The following NCKAP5 variants were observed in gnomAD, a reference collection of about 807,000 sequenced individuals.
NCKAP5 encodes the protein NCK associated protein 5.
A neutral mutation model predicts 167.0 loss-of-function variants in NCKAP5; 92 were observed. The ratio of observed to expected loss-of-function variants is 0.55; its 90% confidence interval spans 0.47 to 0.66. The LOEUF is 0.66. Among genes scored for constraint, NCKAP5 ranks in the 30% least tolerant of loss-of-function variants. The pLI is 0.00. For missense variants in NCKAP5, 2,378 were observed against 2,315.0 expected (o/e 1.03, Z -0.56); for synonymous variants, 891 against 877.4 (o/e 1.02, Z -0.27).
chr2:133,018,147 G>A (rs904893897), intron 6 of NCKAP5, among the ~76,000 whole-genome samples: 1 of 152,058 alleles, frequency 6.6e-6, no homozygotes, highest in Non-Finnish European at 1.5e-5. Context: ...ATGTCCTGGG[G>A]TGCCTATTCT....
chr2:132,724,628 C>T (rs1224331864), intron 19 of NCKAP5, among the ~76,000 whole-genome samples: 1 of 152,136 alleles, frequency 6.6e-6, no homozygotes, highest in Non-Finnish European at 1.5e-5. Context: ...ACCAATGAAC[C>T]ACAAAGAGCC....
At chr2:132,765,111 G>A (rs17397463) in intron 16 of NCKAP5, among the ~76,000 whole-genome samples, 21,784 of 152,016 alleles carry the variant, frequency 0.14, 1,665 homozygotes, top group East Asian at 0.18. Flanking sequence ...GACCAATTAC[G>A]TATTTATTCA....
chr2:133,634,069 C>T, the NCKAP5 span, among the ~76,000 whole-genome samples: 1 of 152,210 alleles, frequency 6.6e-6, no homozygotes, highest in Non-Finnish European at 1.5e-5. Context: ...TGTGCAGCTC[C>T]TCTCCAGCTA....
In NCKAP5 at chr2:133,356,600, G is replaced by C. The variant is rs528155945; in HGVS notation, c.70-53490C>G. Among the ~76,000 whole-genome samples the C allele has an allele frequency of 2.6e-4, 39 of 152,274 alleles. No individual in the cohort carries two copies. In the South Asian group the frequency reaches 8.1e-3, roughly 32 times the overall value. ...GTGAATGGGAGCTGCAGGACCGTAG[G>C]AAAGGACATCTTTGGGTTATATCAC... On this transcript the variant is annotated intron_variant, in intron 3 of 19. Transcript: ENST00000409261.
At position 133,025,781 on chromosome 2, in the gene NCKAP5, T is replaced by C. The variant is rs182783765; in HGVS notation, c.342-31542A>G. On this transcript the variant is annotated intron_variant, in intron 6 of 19. Coordinates refer to ENST00000409261, the MANE Select transcript of NCKAP5 (RefSeq NM_207363.3). ...AAGTTCATTCTTAAGCTCCAGGGAT[T>C]GTAGTCATGATGAGACTGCCCAGAA... 5.8e-3 allele frequency among the ~76,000 whole-genome samples: 879 copies of C among 152,278 alleles called. 10 individuals carry two copies. The highest frequency in any genetic ancestry group is 0.027 in the Middle Eastern group (8 of 294).
chr2:132,673,275 C>G lies in NCKAP5; in HGVS notation c.*14G>C, dbSNP rs748582432. On this transcript the variant is annotated 3_prime_UTR_variant, in exon 20 of 20. Coordinates refer to ENST00000409261, the MANE Select transcript of NCKAP5 (RefSeq NM_207363.3). Reference sequence around the variant, plus strand: ...ATTTTCGATAATCTATTCTCGGGATCGTCTTTTGTTTCTTCAAGTTGTCTC... The same window carrying G: ...ATTTTCGATAATCTATTCTCGGGATGGTCTTTTGTTTCTTCAAGTTGTCTC... 6.6e-7 allele frequency: 1 copy of G among 1,508,846 alleles called. No individual in the cohort carries two copies. The highest frequency in any genetic ancestry group is 8.9e-7 in the Non-Finnish European group (1 of 1,127,544). The allele number at this position is 1,508,846 out of a possible 1,614,324, so 93.5% of individuals were successfully genotyped here. A position where few individuals can be genotyped will look rare whatever the true frequency, so the allele number is the denominator to read the frequency against.
chr2:132,763,398 G>A (rs1479675035), intron 16 of NCKAP5, among the ~76,000 whole-genome samples: 1 of 152,170 alleles, frequency 6.6e-6, no homozygotes, highest in Non-Finnish European at 1.5e-5. Context: ...CTTTGCTCAT[G>A]TGGTTTCTCT....
chr2:132,924,289 C>T (rs113017603), intron 8 of NCKAP5, among the ~76,000 whole-genome samples: 72 of 152,208 alleles, frequency 4.7e-4, no homozygotes, highest in African/African-American at 1.7e-3. Flanking sequence ...TTGTGCTGTA[C>T]TCTGGGCCCA....
At chr2:133,038,093 A>G (rs1027566422) in intron 6 of NCKAP5, among the ~76,000 whole-genome samples, 1 of 152,172 alleles carries the variant, frequency 6.6e-6, no homozygotes, top group African/African-American at 2.4e-5. Context: ...AAGCTACCAT[A>G]TGATCCAGCA....
chr2:133,653,486 T>C, the NCKAP5 span, among the ~76,000 whole-genome samples: 1 of 152,332 alleles, frequency 6.6e-6, no homozygotes, highest in South Asian at 2.1e-4. Flanking sequence ...ATCACCCCTT[T>C]TATAAAAGAA....
intron 3 of NCKAP5, among the ~76,000 whole-genome samples, chr2:133,305,294 G>A (rs561004073): frequency 5.9e-5 from 9 of 152,220 alleles, no homozygotes; most frequent in African/African-American, 1.2e-4. Flanking sequence ...TCAAATCCTG[G>A]TTTTGATACT....
intron 2 of NCKAP5, among the ~76,000 whole-genome samples, chr2:133,536,384 A>G (rs999713060): frequency 2.0e-5 from 3 of 151,922 alleles, no homozygotes; most frequent in African/African-American, 7.2e-5. Context: ...CACCACTTAT[A>G]TATTAGGGTG....
chr2:132,860,937 A>G (rs1035398217), intron 10 of NCKAP5, among the ~76,000 whole-genome samples: 6 of 152,214 alleles, frequency 3.9e-5, no homozygotes, highest in Admixed American at 3.9e-4. Flanking sequence ...CACTGTCTTT[A>G]TAAAAGCAAT....
At chr2:133,011,212 A>G (rs952078039) in intron 6 of NCKAP5, among the ~76,000 whole-genome samples, 1 of 152,178 alleles carries the variant, frequency 6.6e-6, no homozygotes, top group African/African-American at 2.4e-5. Context: ...TTTTCCCCCC[A>G]TCTCACTACA....
intron 3 of NCKAP5, among the ~76,000 whole-genome samples, chr2:133,371,463 A>G (rs552982309): frequency 2.1e-4 from 32 of 152,298 alleles, no homozygotes; most frequent in African/African-American, 7.5e-4. Context: ...AACATAACTC[A>G]TGGTTTTCGG....
At chr2:132,954,803 CTGTAA>C (rs1196695220) in intron 8 of NCKAP5, 4 of 416,252 alleles carry the variant, frequency 9.6e-6, no homozygotes, top group South Asian at 7.0e-5. Flanking sequence ...TTCCAATTTT[CTGTAA>C]TGTGACTATT....
At chr2:133,445,206 CT>C (rs879444396) in intron 3 of NCKAP5, among the ~76,000 whole-genome samples, 34 of 147,892 alleles carry the variant, frequency 2.3e-4, no homozygotes, top group Middle Eastern at 3.5e-3. Flanking sequence ...AAGAAATGAG[CT>C]TTTTTTTTTG....
At chr2:132,833,890 C>A (rs191697413) in intron 11 of NCKAP5, among the ~76,000 whole-genome samples, 5 of 151,982 alleles carry the variant, frequency 3.3e-5, no homozygotes, top group African/African-American at 1.2e-4. Flanking sequence ...TCTAATTCTG[C>A]GAAACAGTGA....
chr2:133,382,745 G>C (rs1238008798), intron 3 of NCKAP5, among the ~76,000 whole-genome samples: 1 of 152,150 alleles, frequency 6.6e-6, no homozygotes, highest in Non-Finnish European at 1.5e-5. Flanking sequence ...ACTTTCATCT[G>C]TTAATAATTA....
Sources: allele counts gnomAD v4.1 joint callset (sites outside exome capture counted in the v4.1 genomes callset), GRCh38; gene constraint gnomAD v4.1.1; transcripts MANE v1.5; gene names NCBI Gene and HGNC (gene_info 2026-07-23, HGNC 2026-07-21).